C2CD2: variants seen among roughly 807,000 people sequenced by gnomAD.
C2CD2 encodes the protein C2 calcium dependent domain containing 2, also known as C2 domain-containing protein 2.
A neutral mutation model predicts 74.3 loss-of-function variants in C2CD2; 43 were observed. The observed-to-expected ratio is 0.58, with a 90% CI of 0.45 to 0.75. The LOEUF (loss-of-function observed/expected upper bound fraction) is 0.75. Among genes scored for constraint, C2CD2 ranks in the 30% least tolerant of loss-of-function variants. C2CD2 has a pLI of 0.00. For synonymous variants in C2CD2, 422 were observed against 390.7 expected (o/e 1.08, Z -0.94); for missense variants, 801 against 916.3 (o/e 0.87, Z 1.63).
At chr21:41,914,778 G>A in intron 5 of C2CD2, 57 bp from the exon 6 acceptor site, 1 of 1,546,198 alleles carries the variant, frequency 6.5e-7, no homozygotes, top group Non-Finnish European at 8.8e-7. Flanking sequence ...GAGGGCCAAG[G>A]AAGTAGCCAC....
chr21:41,941,235 C>T (rs532655695), intron 2 of C2CD2, among the ~76,000 whole-genome samples: 33 of 152,236 alleles, frequency 2.2e-4, no homozygotes, highest in African/African-American at 5.8e-4. Context: ...GTGACACGTG[C>T]CTGTAGTCCC....
At chr21:41,913,757 G>A (rs575958224) in intron 6 of C2CD2, among the ~76,000 whole-genome samples, 1 of 152,278 alleles carries the variant, frequency 6.6e-6, no homozygotes, top group South Asian at 2.1e-4. Flanking sequence ...AAATGGAGTC[G>A]CGCTGTAAAG....
chr21:41,928,001 G>T (rs1353636303), intron 2 of C2CD2, among the ~76,000 whole-genome samples: 1 of 152,212 alleles, frequency 6.6e-6, no homozygotes. Context: ...CTGCAAGGAG[G>T]TGTTGTTAAT....
intron 2 of C2CD2, among the ~76,000 whole-genome samples, chr21:41,941,812 C>T (rs1470945341): frequency 2.0e-5 from 3 of 152,180 alleles, no homozygotes; most frequent in Admixed American, 2.0e-4. Flanking sequence ...CTTTGTGTCT[C>T]TGCAGGTTTA....
chr21:41,929,301 A>G lies in C2CD2; in HGVS notation c.379-7216T>C, dbSNP rs1020681955. Among the ~76,000 whole-genome samples the G allele has an allele frequency of 1.3e-5, 2 of 152,226 alleles. No individual in the cohort carries two copies. Among genetic ancestry groups the G allele is most frequent in the South Asian group, 2.1e-4 (1 of 4,828 alleles). On this transcript the variant is annotated intron_variant, in intron 2 of 13. Transcript: ENST00000380486. The surrounding 1 kb of genome is among the most constrained non-coding windows in gnomAD (Gnocchi z 4.6). Reference sequence around the variant, plus strand: ...TCTGTACAGTGGGATGATGCTTCTGACACAGGAGCATGGTGAGCTCTCATG... The same window carrying G: ...TCTGTACAGTGGGATGATGCTTCTGGCACAGGAGCATGGTGAGCTCTCATG...
At position 41,906,894 on chromosome 21, in the gene C2CD2, C is replaced by T. The variant is rs932121191; in HGVS notation, c.1318+98G>A. 19 of 870,942 alleles carry T rather than the reference C, an allele frequency of 2.2e-5. No homozygotes were observed. The African/African-American group carries it at 2.2e-4, about 10-fold the overall frequency. 54.0% of individuals were successfully genotyped at this position (870,942 alleles called of 1,614,324 possible). On this transcript the variant is annotated intron_variant, in intron 10 of 13. Transcript: ENST00000380486. The stretch of plus-strand genomic sequence containing the variant: ...TGTGCTGTGAGAATTTCCTAACACT[C>T]GGCGCTGCAGGCTCCAGAACTCTGC...
At chr21:41,897,870 C>T (rs183348115) in intron 13 of C2CD2, among the ~76,000 whole-genome samples, 6 of 152,314 alleles carry the variant, frequency 3.9e-5, no homozygotes, top group Admixed American at 1.3e-4. Context: ...GTGAGGCTGC[C>T]TTGTGGGGGC....
intron 2 of C2CD2, among the ~76,000 whole-genome samples, chr21:41,925,360 T>C (rs991169771): frequency 6.6e-6 from 1 of 151,466 alleles, no homozygotes; most frequent in Non-Finnish European, 1.5e-5. Flanking sequence ...GGTGTGCACC[T>C]GTAGTCCCAG....
Position 41,888,944 on chromosome 21 carries a change from G to C in C2CD2, c.*180C>G. On this transcript the variant is annotated 3_prime_UTR_variant, in exon 14 of 14. Coordinates refer to ENST00000380486, the MANE Select transcript of C2CD2 (RefSeq NM_015500.2). ...AAGTTGGGCTTTTTTGTCCTCTCTGGGAGAAGCCTCCTGGCTGGAGACTCA... is the reference window on the plus strand; with the variant it reads ...AAGTTGGGCTTTTTTGTCCTCTCTGCGAGAAGCCTCCTGGCTGGAGACTCA... The C allele has an allele frequency of 3.3e-6, 2 of 613,732 alleles. No individual in the cohort carries two copies. The highest frequency in any genetic ancestry group is 5.8e-6 in the Non-Finnish European group (2 of 346,800). The allele number at this position is 613,732 out of a possible 1,614,324, so 38.0% of individuals were successfully genotyped here.
chr21:41,932,671 T>C (rs1476094943), intron 2 of C2CD2, among the ~76,000 whole-genome samples: 4 of 150,640 alleles, frequency 2.7e-5, no homozygotes, highest in African/African-American at 9.7e-5. Context: ...TGAGTAAACA[T>C]AGTTGAGACT....
rs966292320 is a variant in C2CD2 at position 41,924,777 on chromosome 21, A to C, written c.379-2692T>G. On this transcript the variant is annotated intron_variant, in intron 2 of 13. Coordinates refer to ENST00000380486, the MANE Select transcript of C2CD2 (RefSeq NM_015500.2). The surrounding 1 kb of genome is among the most constrained non-coding windows in gnomAD (Gnocchi z 4.4). ...AATTCCTCTGGAGCCTTCTCTACTA[A>C]GCTAATCAGCATTGTACCAAGAAAA... is the stretch of plus-strand genomic sequence containing the variant. Among the ~76,000 whole-genome samples, 1 of 152,190 alleles carries C rather than the reference A, an allele frequency of 6.6e-6. No homozygotes were observed. The highest frequency in any genetic ancestry group is 1.5e-5 in the Non-Finnish European group (1 of 68,036).
At chr21:41,920,988 G>A (rs1022698746) in intron 3 of C2CD2, among the ~76,000 whole-genome samples, 4 of 152,184 alleles carry the variant, frequency 2.6e-5, no homozygotes, top group African/African-American at 9.7e-5. Flanking sequence ...ACAAATCCAC[G>A]ATGCCAACTC....
intron 1 of C2CD2, among the ~76,000 whole-genome samples, chr21:41,944,521 C>CAAA (rs369422328): frequency 8.7e-4 from 85 of 97,690 alleles, no homozygotes; most frequent in South Asian, 1.5e-3. Flanking sequence ...GACTCTGCCT[C>CAAA]AAAAAAAAAA....
Position 41,887,185 on chromosome 21 carries a change from A to G in C2CD2, c.*1939T>C, listed in dbSNP as rs904680809. The G allele has an allele frequency of 1.3e-5, 2 of 152,216 alleles. No homozygotes were observed. Among genetic ancestry groups the G allele is most frequent in the African/African-American group, 2.4e-5 (1 of 41,448 alleles). 9.4% of individuals were successfully genotyped at this position (152,216 alleles called of 1,614,324 possible). A position where few individuals can be genotyped will look rare whatever the true frequency, so the allele number is the denominator to read the frequency against. ...CAGTAAAACTTCAAGTAAAACATTA[A>G]AGTGAACATCTGTCCCATCTGTCCC... is the stretch of plus-strand genomic sequence containing the variant. On this transcript the variant is annotated 3_prime_UTR_variant, in exon 14 of 14. Coordinates refer to ENST00000380486, the MANE Select transcript of C2CD2 (RefSeq NM_015500.2).
intron 2 of C2CD2, among the ~76,000 whole-genome samples, chr21:41,933,865 G>C (rs942887189): frequency 6.6e-6 from 1 of 152,200 alleles, no homozygotes; most frequent in African/African-American, 2.4e-5. Context: ...ACAAGGCAGT[G>C]GCAAGGGCTC....
At chr21:41,906,460 G>C (rs960434950) in intron 10 of C2CD2, among the ~76,000 whole-genome samples, 1 of 152,164 alleles carries the variant, frequency 6.6e-6, no homozygotes, top group African/African-American at 2.4e-5. Flanking sequence ...CTGCCTCCTG[G>C]GTTCAAGCAA....
rs914010902 is a variant in C2CD2, at chr21:41,899,661, A to G, written c.1561-299T>C. ...GCCTAGCGGTGGGAGCGTTTGTGGC[A>G]AGCTGCAGAAATGAGATGCGAGAGA... On this transcript the variant is annotated intron_variant, in intron 12 of 13. Transcript: ENST00000380486. This position sits in a 1 kb window ranked among gnomAD's most constrained non-coding sequence, Gnocchi z 4.4. 1.3e-5 allele frequency among the ~76,000 whole-genome samples: 2 copies of G among 152,054 alleles called. No individual in the cohort carries two copies. Among genetic ancestry groups the G allele is most frequent in the African/African-American group, 4.8e-5 (2 of 41,400 alleles).
chr21:41,937,520 C>T (rs8132714), intron 2 of C2CD2, among the ~76,000 whole-genome samples: 4,006 of 152,302 alleles, frequency 0.026, 178 homozygotes, highest in African/African-American at 0.089. Context: ...TGGTCAACAG[C>T]AGGCTATTAA....
chr21:41,922,741 C>G (rs766771508), intron 2 of C2CD2, among the ~76,000 whole-genome samples: 1 of 152,220 alleles, frequency 6.6e-6, no homozygotes, highest in Non-Finnish European at 1.5e-5. Flanking sequence ...TCCCAAAGTG[C>G]TGGGATTACA....
Sources: gnomAD v4.1 joint callset for allele counts (sites outside exome capture counted in the v4.1 genomes callset) on GRCh38, gnomAD v4.1.1 for gene constraint, Gnocchi (gnomAD v3.1) non-coding constraint, MANE v1.5 for transcripts, NCBI Gene and HGNC (gene_info 2026-07-23, HGNC 2026-07-21) for gene names.